PVT1: variants seen among roughly 807,000 people sequenced by gnomAD.
PVT1 encodes Pvt1 oncogene.
At chr8:127,847,093 C>A (rs1815044421) in intron 2 of PVT1, among the ~76,000 whole-genome samples, 1 of 149,006 alleles carries the variant, frequency 6.7e-6, no homozygotes, top group Non-Finnish European at 1.5e-5. Context: ...ACCTCCGCTT[C>A]CCAGGTTCAA....
chr8:127,906,808 A>G (rs899910453), intron 3 of PVT1, among the ~76,000 whole-genome samples: 5 of 152,204 alleles, frequency 3.3e-5, no homozygotes, highest in African/African-American at 1.2e-4. Context: ...ACTATGTGCC[A>G]GGATTTAAAT....
At chr8:128,073,798 T>C (rs1422129697) in intron 5 of PVT1, among the ~76,000 whole-genome samples, 2 of 151,750 alleles carry the variant, frequency 1.3e-5, no homozygotes, top group Admixed American at 6.6e-5. Context: ...AACAATTTTT[T>C]TTTCTTTTTT....
chr8:128,079,927 T>C (rs1215640088), intron 5 of PVT1, among the ~76,000 whole-genome samples: 1 of 152,184 alleles, frequency 6.6e-6, no homozygotes, highest in Non-Finnish European at 1.5e-5. Context: ...GGTTTCACCA[T>C]GGTAGCCAGG....
intron 3 of PVT1, among the ~76,000 whole-genome samples, chr8:127,926,909 A>G (rs973756693): frequency 6.6e-6 from 1 of 152,174 alleles, no homozygotes; most frequent in African/African-American, 2.4e-5. Flanking sequence ...TTTCAGGCTA[A>G]TCGGACACGA....
At chr8:127,970,115 C>T (rs1388896755) in intron 3 of PVT1, among the ~76,000 whole-genome samples, 1 of 152,046 alleles carries the variant, frequency 6.6e-6, no homozygotes, top group East Asian at 1.9e-4. Flanking sequence ...AAGGAAAGGC[C>T]TTACCATATG....
At chr8:127,806,661 C>T (rs973886498) in intron 2 of PVT1, among the ~76,000 whole-genome samples, 3 of 152,290 alleles carry the variant, frequency 2.0e-5, no homozygotes, top group East Asian at 3.9e-4. Context: ...ACATTTCCAT[C>T]GTTCACCCAG....
chr8:127,813,857 A>C (rs779815763), intron 2 of PVT1, among the ~76,000 whole-genome samples: 8 of 152,188 alleles, frequency 5.3e-5, no homozygotes, highest in Non-Finnish European at 1.0e-4. Context: ...ATCTCGGCTC[A>C]CTGCACCCTC....
chr8:127,960,690 GTCTGTC>G, intron 3 of PVT1: 1 of 523,416 alleles, frequency 1.9e-6, no homozygotes, highest in South Asian at 1.5e-5. Context: ...CTGTTCTGGA[GTCTGTC>G]TCCATTTTTC....
intron 3 of PVT1, chr8:127,947,926 G>C (rs1816445112): frequency 2.2e-6 from 1 of 456,814 alleles, no homozygotes. Flanking sequence ...TTACCTATAA[G>C]GAAACTGAGT....
chr8:127,892,201 C>T (rs780992388), intron 3 of PVT1, among the ~76,000 whole-genome samples: 11 of 152,222 alleles, frequency 7.2e-5, no homozygotes, highest in Non-Finnish European at 1.5e-4. Context: ...AATAATGTCC[C>T]TCTGGGTGTT....
At chr8:127,931,809 G>A (rs553039514) in intron 3 of PVT1, among the ~76,000 whole-genome samples, 1 of 152,272 alleles carries the variant, frequency 6.6e-6, no homozygotes, top group Non-Finnish European at 1.5e-5. Context: ...TGTTTACACA[G>A]GCTGGAGGTG....
intron 3 of PVT1, among the ~76,000 whole-genome samples, chr8:127,922,217 TA>T (rs1229297033): frequency 1.3e-5 from 2 of 152,002 alleles, no homozygotes; most frequent in East Asian, 3.9e-4. Flanking sequence ...TGTGTAATTA[TA>T]AATTGTATAC....
intron 3 of PVT1, among the ~76,000 whole-genome samples, chr8:127,927,256 G>A (rs1002513953): frequency 2.6e-5 from 4 of 152,170 alleles, no homozygotes; most frequent in African/African-American, 9.7e-5. Flanking sequence ...GACTAGCATC[G>A]AGGGGACACC....
At chr8:128,063,440 AAGTGGGGATTGC>A (rs34559889) in intron 4 of PVT1, among the ~76,000 whole-genome samples, 29,386 of 152,004 alleles carry the variant, frequency 0.19, 2,973 homozygotes, top group East Asian at 0.35. Context: ...TGAACTCGGG[AAGTGGGGATTGC>A]AGTGAGCTGA....
chr8:127,827,984 C>T (rs553002294), intron 2 of PVT1, among the ~76,000 whole-genome samples: 1 of 152,250 alleles, frequency 6.6e-6, no homozygotes, highest in East Asian at 1.9e-4. Flanking sequence ...TTTTTCTACC[C>T]AGCGACCAAT....
At chr8:128,064,827 C>A (rs990894461) in intron 4 of PVT1, among the ~76,000 whole-genome samples, 4 of 152,168 alleles carry the variant, frequency 2.6e-5, no homozygotes, top group Admixed American at 2.6e-4. Context: ...TCAACTTTTA[C>A]AGTTACATAG....
intron 4 of PVT1, among the ~76,000 whole-genome samples, chr8:128,049,446 G>A (rs1813660605): frequency 6.6e-6 from 1 of 152,078 alleles, no homozygotes; most frequent in South Asian, 2.1e-4. Context: ...GTCAAGGTCT[G>A]GGGATTCTGT....
Position 127,844,664 on chromosome 8 carries a change from T to C in PVT1, n.373-45925T>C, listed in dbSNP as rs541038770. Among the ~76,000 whole-genome samples, 20 of 152,272 alleles carry C rather than the reference T, an allele frequency of 1.3e-4. No homozygotes were observed. In the South Asian group the frequency reaches 3.3e-3, roughly 25 times the overall value. On this transcript the variant is annotated intron_variant and non_coding_transcript_variant, in intron 2 of 10. Transcript: ENST00000651587. ...AGAATTCCTGTCTCATCCACTCGAC[T>C]GAACTTCTTGGGTAGGAATGGAGGT...
intron 2 of PVT1, among the ~76,000 whole-genome samples, chr8:127,849,060 A>C (rs1181864977): frequency 1.3e-5 from 2 of 152,174 alleles, no homozygotes; most frequent in African/African-American, 4.8e-5. Flanking sequence ...TCTCTGTGCC[A>C]ACCCTGATTG....
Sources: gnomAD v4.1 joint callset for allele counts (sites outside exome capture counted in the v4.1 genomes callset) on GRCh38, gnomAD v4.1.1 for gene constraint, MANE v1.5 for transcripts, NCBI Gene and HGNC (gene_info 2026-07-23, HGNC 2026-07-21) for gene names.